Variants in LRRC37B observed in about 807,000 individuals in gnomAD.
LRRC37B encodes leucine-rich repeat-containing protein 37B.
Under a neutral mutation model 98.3 loss-of-function variants are expected in LRRC37B, and 28 were observed. The observed-to-expected ratio is 0.28, with a 90% CI of 0.21 to 0.39. LRRC37B has a LOEUF of 0.39. LRRC37B is among the 10% of genes least tolerant of loss of function. LRRC37B has a pLI of 1.00. For synonymous variants in LRRC37B, 364 were observed against 442.7 expected (o/e 0.82, Z 2.23); for missense variants, 938 against 1,182.7 (o/e 0.79, Z 3.03).
exon 1 of LRRC37B, chr17:32,021,896 G>C (rs747161642): frequency 6.2e-7 from 1 of 1,614,090 alleles, no homozygotes. Flanking sequence ...AGCCTCCAGG[G>C]CCTCCTGAGC....
chr17:32,019,887 T>C (rs2142239230), upstream of LRRC37B, among the ~76,000 whole-genome samples: 1 of 152,286 alleles, frequency 6.6e-6, no homozygotes, highest in East Asian at 1.9e-4. Context: ...GTTTCTCTCT[T>C]GTTGCCCAGG....
rs118003251 is a variant in LRRC37B, at chr17:32,015,849, G to A, written c.-190-2123G>A. Among the ~76,000 whole-genome samples the A allele has an allele frequency of 2.3e-3, 353 of 152,270 alleles. 2 individuals carry two copies. The highest frequency in any genetic ancestry group is 3.1e-3 in the Non-Finnish European group (213 of 68,028). On this transcript the variant is annotated intron_variant, in intron 1 of 14. Coordinates refer to the LRRC37B transcript ENST00000543378. ...ATGAGTAATTGCCTGTAATATAATC[G>A]TGCTCACGCTGTCATGGAGGACCGT... is the stretch of plus-strand genomic sequence containing the variant.
In LRRC37B at chr17:32,008,193, C is replaced by G. The variant is rs960157935; in HGVS notation, c.-191+61C>G. On this transcript the variant is annotated intron_variant, in intron 1 of 14. Coordinates refer to the LRRC37B transcript ENST00000543378. The stretch of plus-strand genomic sequence containing the variant: ...CCACCTCCTCTCCCCTCCCCCCTTG[C>G]TCACTTATGTGCTGTGCATCCCGCT... The G allele has an allele frequency of 2.3e-5, 5 of 219,964 alleles. No individual in the cohort carries two copies. The South Asian group carries it at 4.6e-4, about 20-fold the overall frequency. The allele number at this position is 219,964 out of a possible 1,614,324, so 13.6% of individuals were successfully genotyped here.
At chr17:32,036,536 T>A (rs1042298466) in intron 7 of LRRC37B, among the ~76,000 whole-genome samples, 5 of 152,232 alleles carry the variant, frequency 3.3e-5, no homozygotes, top group Non-Finnish European at 5.9e-5. Context: ...TACCCGAGGC[T>A]TATGTCATTT....
At chr17:32,045,210 C>T (rs928386725) in intron 7 of LRRC37B, among the ~76,000 whole-genome samples, 6 of 152,086 alleles carry the variant, frequency 3.9e-5, no homozygotes, top group African/African-American at 1.4e-4. Flanking sequence ...CTCAAATTGT[C>T]CAGATTTGGC....
At chr17:32,019,759 G>A (rs1910721064), upstream of LRRC37B, among the ~76,000 whole-genome samples, 2 of 152,216 alleles carry the variant, frequency 1.3e-5, no homozygotes, top group Non-Finnish European at 2.9e-5. Flanking sequence ...CTAGCTTCCT[G>A]TGAAATGTGA....
At chr17:32,021,724 A>G in exon 1 of LRRC37B, 1 of 1,614,244 alleles carries the variant, frequency 6.2e-7, no homozygotes. Flanking sequence ...AAGAACCTGA[A>G]GAAAGATCTA....
chr17:32,041,278 C>T (rs754887448), intron 7 of LRRC37B: 1 of 762,322 alleles, frequency 1.3e-6, no homozygotes, highest in African/African-American at 1.7e-5. Flanking sequence ...ATTGCAGCTT[C>T]ATCCCCTTTC....
At chr17:32,024,326 C>G in intron 1 of LRRC37B, 1 of 570,376 alleles carries the variant, frequency 1.8e-6, no homozygotes, top group South Asian at 2.1e-5. Flanking sequence ...TTTCTTTCTA[C>G]TTATTTATCG....
At chr17:32,040,409 G>C in intron 7 of LRRC37B, 1 of 520,754 alleles carries the variant, frequency 1.9e-6, no homozygotes, top group South Asian at 1.7e-5. Context: ...CACGGTCCGG[G>C]CGGAGGTTCT....
chr17:32,023,828 G>T (rs933347697), intron 1 of LRRC37B, among the ~76,000 whole-genome samples: 2 of 152,186 alleles, frequency 1.3e-5, no homozygotes, highest in Non-Finnish European at 2.9e-5. Flanking sequence ...ACATTAAAAT[G>T]ATAGGAGGGA....
At chr17:32,040,988 G>A (rs780210706) in intron 7 of LRRC37B, 1 of 817,458 alleles carries the variant, frequency 1.2e-6, no homozygotes, top group East Asian at 2.4e-5. Flanking sequence ...CGCTGGAGAA[G>A]TTTGAGGACT....
At chr17:32,021,139 C>T (rs1214991883) in exon 1 of LRRC37B, 15 of 1,613,976 alleles carry the variant, frequency 9.3e-6, no homozygotes, top group South Asian at 5.5e-5. Context: ...ATAGCACCAG[C>T]GTGTGTCATG....
intron 2 of LRRC37B, among the ~76,000 whole-genome samples, chr17:32,026,431 C>CT (rs980702872): frequency 1.3e-5 from 2 of 152,152 alleles, no homozygotes; most frequent in African/African-American, 4.8e-5. Flanking sequence ...AGGAGAATTG[C>CT]TTTATTTATT....
At chr17:32,021,415 C>T in exon 1 of LRRC37B, 1 of 1,613,762 alleles carries the variant, frequency 6.2e-7, no homozygotes, top group Non-Finnish European at 8.5e-7. Flanking sequence ...CCTCAGGAAC[C>T]AACTGAAAAT....
intron 11 of LRRC37B, chr17:32,050,888 A>G (rs2142264420): frequency 6.6e-6 from 1 of 152,188 alleles, no homozygotes; most frequent in East Asian, 1.9e-4. Flanking sequence ...CTTTTGTTTG[A>G]TTATGTGATG....
intron 1 of LRRC37B, among the ~76,000 whole-genome samples, chr17:32,014,072 T>C (rs1910597489): frequency 6.6e-6 from 1 of 152,166 alleles, no homozygotes; most frequent in African/African-American, 2.4e-5. Context: ...TCTAGATCCA[T>C]TTTCCTACCT....
In LRRC37B at chr17:32,027,442, TGCTTGCCTGTGTGTGTGTG is replaced by T. The variant is rs1237695020; in HGVS notation, c.1833-326_1833-308del. Reference sequence around the variant, plus strand: ...GTGTGCGTGCTTGCCTGTGTGTGTGTGCTTGCCTGTGTGTGTGTGTGCTTGCCTGTGTGTGTGCTTGTGT... The same window carrying T: ...GTGTGCGTGCTTGCCTGTGTGTGTGTTGCTTGCCTGTGTGTGTGCTTGTGT... On this transcript the variant is annotated intron_variant, in intron 2 of 11. Transcript: ENST00000327564. Among the ~76,000 whole-genome samples, 419 of 135,854 alleles carry T rather than the reference TGCTTGCCTGTGTGTGTGTG, an allele frequency of 3.1e-3. 10 individuals are homozygous for T. Among genetic ancestry groups the T allele is most frequent in the African/African-American group, 0.014 (401 of 27,978 alleles). The allele number at this position is 135,854 out of a possible 152,430, so 89.1% of individuals were successfully genotyped here. A position where few individuals can be genotyped will look rare whatever the true frequency, so the allele number is the denominator to read the frequency against.
chr17:32,048,827 C>T (rs1911661404), intron 9 of LRRC37B, among the ~76,000 whole-genome samples: 1 of 152,130 alleles, frequency 6.6e-6, no homozygotes, highest in South Asian at 2.1e-4. Context: ...TCAAGAAAAC[C>T]CTCTTCTGGA....
Sources: gnomAD v4.1 joint callset for allele counts (sites outside exome capture counted in the v4.1 genomes callset) on GRCh38, gnomAD v4.1.1 for gene constraint, MANE v1.5 for transcripts, NCBI Gene and HGNC (gene_info 2026-07-23, HGNC 2026-07-21) for gene names.